SPATA22: variants seen among roughly 807,000 people sequenced by gnomAD.
The protein encoded by SPATA22 is spermatogenesis-associated protein 22.
SPATA22 carries 29 observed loss-of-function variants against 47.8 expected under a neutral mutation model. That is an observed-to-expected ratio of 0.61 (90% CI 0.45 to 0.83). SPATA22 has a LOEUF of 0.83. Ranked by LOEUF, SPATA22 falls within the 40% of genes least tolerant of loss-of-function variation. The probability of loss-of-function intolerance (pLI) is 0.00; values close to 1 mark genes in which losing one functional copy is unlikely to be tolerated. For synonymous variants in SPATA22, 133 were observed against 140.9 expected, an observed-to-expected ratio of 0.94 and a Z score of 0.40; for missense variants, 410 against 421.7, an observed-to-expected ratio of 0.97 and a Z score of 0.24.
Position 3,483,681 on chromosome 17 carries a change from G to C in SPATA22, c.-73-14283C>G, listed in dbSNP as rs554509318. ...TTATTTTTTATCTTATTTTATTTTT[G>C]AGACAGAGTCTTGCTCTGTCACCCA... is the stretch of plus-strand genomic sequence containing the variant. On this transcript the variant is annotated intron_variant, in intron 1 of 8. Transcript: ENST00000541913. 2.5e-5 allele frequency: 33 copies of C among 1,310,386 alleles called. No homozygotes were observed. In the East Asian group the frequency reaches 7.7e-4, roughly 31 times the overall value. 81.2% of individuals were successfully genotyped at this position (1,310,386 alleles called of 1,614,324 possible). A position where few individuals can be genotyped will look rare whatever the true frequency, so the allele number is the denominator to read the frequency against.
intron 3 of SPATA22, 21 bp downstream of exon 3, chr17:3,467,405 T>C (rs2073338209): frequency 6.4e-7 from 1 of 1,561,926 alleles, no homozygotes; most frequent in South Asian, 1.3e-5. Flanking sequence ...CTGAAAATTT[T>C]TACCTTATTA....
intron 3 of SPATA22, among the ~76,000 whole-genome samples, chr17:3,465,790 T>TAAAAAAACAA (rs10681973): frequency 6.8e-6 from 1 of 147,514 alleles, no homozygotes; most frequent in Non-Finnish European, 1.5e-5. Flanking sequence ...AATAAAAATT[T>TAAAAAAACAA]AAAAAACAAA....
In SPATA22 at chr17:3,485,914, G is replaced by A. The variant is rs913341907; in HGVS notation, c.-73-16516C>T. On this transcript the variant is annotated intron_variant, in intron 1 of 8. Coordinates refer to the SPATA22 transcript ENST00000541913. This position sits in a 1 kb window ranked among gnomAD's most constrained non-coding sequence, Gnocchi z 4.4. ...CAGATGGCAGCTATCCATGCCAGTG[G>A]TTGCATTCTAGGAGGGAACCTTTTT... 1.3e-5 allele frequency among the ~76,000 whole-genome samples: 2 copies of A among 150,952 alleles called. No individual in the cohort carries two copies. Among genetic ancestry groups the A allele is most frequent in the Non-Finnish European group, 3.0e-5 (2 of 67,794 alleles).
intron 1 of SPATA22, among the ~76,000 whole-genome samples, chr17:3,508,372 C>G (rs1204115802): frequency 6.6e-6 from 1 of 151,714 alleles, no homozygotes; most frequent in African/African-American, 2.4e-5. Context: ...ACTAGAAATA[C>G]CATTTGACCC....
At chr17:3,506,509 G>A (rs1285888339) in intron 1 of SPATA22, among the ~76,000 whole-genome samples, 1 of 152,212 alleles carries the variant, frequency 6.6e-6, no homozygotes, top group Non-Finnish European at 1.5e-5. Context: ...GCTACAGATA[G>A]ACTAAATGTT....
chr17:3,496,961 G>T lies in SPATA22; in HGVS notation c.-74+16451C>A, dbSNP rs148344091. On this transcript the variant is annotated intron_variant, in intron 1 of 8. Transcript: ENST00000541913. ...GGCGCCTGTAATCCCAGCTACTCGG[G>T]AGCCTGAGGCAGGAAAATTGCTTGA... Among the ~76,000 whole-genome samples, 586 of 152,306 alleles carry T rather than the reference G, an allele frequency of 3.8e-3. 2 individuals are homozygous for T. Among genetic ancestry groups the T allele is most frequent in the Admixed American group, 7.1e-3 (109 of 15,296 alleles).
intron 1 of SPATA22, among the ~76,000 whole-genome samples, chr17:3,505,746 G>GT (rs1555542088): frequency 3.9e-4 from 35 of 90,140 alleles, no homozygotes; most frequent in Admixed American, 1.6e-3. Context: ...TTGTTTGTTT[G>GT]TTGTTTTTTG....
At chr17:3,467,592 C>A in intron 2 of SPATA22, 38 bp from the exon 3 acceptor site, 1 of 1,548,758 alleles carries the variant, frequency 6.5e-7, no homozygotes, top group Non-Finnish European at 8.7e-7. Context: ...ACATAATAGA[C>A]AAATAAGCAG....
intron 1 of SPATA22, among the ~76,000 whole-genome samples, chr17:3,484,248 G>T (rs144474344): frequency 8.3e-4 from 127 of 152,230 alleles, no homozygotes; most frequent in African/African-American, 2.9e-3. Context: ...GTGTACATTT[G>T]ACTAATATTT....
chr17:3,507,991 A>T, intron 1 of SPATA22, among the ~76,000 whole-genome samples: 1 of 152,202 alleles, frequency 6.6e-6, no homozygotes, highest in Admixed American at 6.5e-5. Flanking sequence ...CTAGGATGTG[A>T]ATCACGTACA....
chr17:3,440,309 G>A lies in SPATA22; in HGVS notation c.930C>T (p.Gly310=), dbSNP rs762515645. The stretch of plus-strand genomic sequence containing the variant: ...AGTTGCCAACACATCTATGAACTCG[G>A]CCTCTAATCAGTCTCGGAAGTTCAC... ...IDRELPRLIR[G]RVHRCVGNYD... The change falls in exon 9 of 9, where the codon GGC becomes GGT. Residue 310 remains glycine, a synonymous_variant. Coordinates refer to ENST00000572969, the MANE Select transcript of SPATA22 (RefSeq NM_001170698.2). The A allele has an allele frequency of 6.3e-7, 1 of 1,583,462 alleles. No homozygotes were observed. Among genetic ancestry groups the A allele is most frequent in the East Asian group, 2.3e-5 (1 of 43,730 alleles).
chr17:3,445,983 G>A (rs2072717598), intron 7 of SPATA22, among the ~76,000 whole-genome samples: 1 of 152,022 alleles, frequency 6.6e-6, no homozygotes, highest in Non-Finnish European at 1.5e-5. Context: ...TCCTTTTGGA[G>A]GCTCTAGAGT....
chr17:3,493,540 G>C (rs2073859290), intron 1 of SPATA22, among the ~76,000 whole-genome samples: 1 of 99,770 alleles, frequency 1.0e-5, no homozygotes, highest in Admixed American at 1.7e-4. Context: ...CAGCCTGGGT[G>C]AAAGAGCGAG....
At position 3,462,731 on chromosome 17, in the gene SPATA22, G is replaced by A. The variant is rs777837182; in HGVS notation, c.209C>T (p.Pro70Leu). 6 of 1,613,622 alleles carry A rather than the reference G, an allele frequency of 3.7e-6. No individual in the cohort carries two copies. Among genetic ancestry groups the A allele is most frequent in the Non-Finnish European group, 5.1e-6 (6 of 1,179,570 alleles). ...AWEAVNPELA[P>L]VMKTVDTGQI... The stretch of plus-strand genomic sequence containing the variant: ...CCCGGTGTCCACTGTTTTCATTACA[G>A]GAGCCAACTCTGGATTCACAGCTTC... The change falls in exon 4 of 9, where the codon CCT becomes CTT. Residue 70 changes from proline (P) to leucine (L), a missense_variant. By Grantham distance (98) the Pro-to-Leu change is moderately conservative (BLOSUM62 -3). Coordinates refer to ENST00000572969, the MANE Select transcript of SPATA22 (RefSeq NM_001170698.2).
chr17:3,502,291 G>A (rs2073999564), intron 1 of SPATA22: 1 of 152,220 alleles, frequency 6.6e-6, no homozygotes, highest in Admixed American at 6.5e-5. Flanking sequence ...TACATATAGT[G>A]TGAGCATAAC....
At chr17:3,448,765 T>A (rs913976557) in intron 6 of SPATA22, 42 bp downstream of exon 6, 10 of 1,439,008 alleles carry the variant, frequency 6.9e-6, no homozygotes, top group African/African-American at 4.3e-5. Context: ...CTCATATTTT[T>A]AAAAATGTAA....
intron 1 of SPATA22, chr17:3,501,646 G>T: frequency 6.2e-6 from 1 of 162,248 alleles, no homozygotes. Flanking sequence ...TAAGAGGATT[G>T]ACTCCTATTT....
chr17:3,465,901 G>A (rs922796047), intron 3 of SPATA22, among the ~76,000 whole-genome samples: 2 of 152,122 alleles, frequency 1.3e-5, no homozygotes, highest in African/African-American at 2.4e-5. Flanking sequence ...ACTTCAGGAG[G>A]ACACACATTT....
At chr17:3,494,037 A>AT (rs5818896) in intron 1 of SPATA22, among the ~76,000 whole-genome samples, 27 of 137,258 alleles carry the variant, frequency 2.0e-4, no homozygotes, top group African/African-American at 5.5e-4. Context: ...CTTTTTCCAG[A>AT]TTTTTTTTTT....
Sources: allele counts gnomAD v4.1 joint callset (sites outside exome capture counted in the v4.1 genomes callset), GRCh38; gene constraint gnomAD v4.1.1; non-coding constraint Gnocchi (gnomAD v3.1); transcripts MANE v1.5; gene names NCBI Gene and HGNC (gene_info 2026-07-23, HGNC 2026-07-21).